The following FSHR variants were observed in gnomAD, a reference collection of about 807,000 sequenced individuals.
FSHR encodes follicle-stimulating hormone receptor.
In FSHR, 46 loss-of-function variants were observed where a neutral mutation model predicts 52.1. That is an observed-to-expected ratio of 0.88 (90% confidence interval 0.70 to 1.13). The LOEUF (loss-of-function observed/expected upper bound fraction) is 1.13. FSHR is among the 50% of genes most tolerant of loss of function. The pLI is 0.00. For missense variants in FSHR, 964 were observed against 834.6 expected (o/e 1.16, Z -1.91); for synonymous variants, 399 against 309.6 (o/e 1.29, Z -3.03).
In FSHR at chr2:49,154,413, G is replaced by GC. The variant is rs765283640; in HGVS notation, c.4dup (p.Ala2GlyfsTer26). On this transcript the variant is annotated frameshift_variant, in exon 1 of 10. Transcript: ENST00000406846. LOFTEE classifies it high-confidence loss of function. ...TGCCAGCAAAGAGACCAGGAGCAGG[G>GC]CCATAATTATGCATCCATCCACCTG... is the stretch of plus-strand genomic sequence containing the variant. 6.2e-7 allele frequency: 1 copy of GC among 1,612,338 alleles called. No homozygotes were observed. Among genetic ancestry groups the GC allele is most frequent in the Non-Finnish European group, 8.5e-7 (1 of 1,179,858 alleles).
chr2:48,965,509 G>A (rs1010755502), intron 9 of FSHR, among the ~76,000 whole-genome samples: 2 of 152,204 alleles, frequency 1.3e-5, no homozygotes, highest in African/African-American at 4.8e-5. Flanking sequence ...GTATAGAGGG[G>A]AGAAGAGGGG....
At chr2:49,089,058 G>C (rs1670502117) in intron 1 of FSHR, among the ~76,000 whole-genome samples, 1 of 147,510 alleles carries the variant, frequency 6.8e-6, no homozygotes, top group Admixed American at 6.6e-5. Context: ...AGAAGACTTA[G>C]TGCTCAGAAT....
intron 2 of FSHR, among the ~76,000 whole-genome samples, chr2:49,049,168 A>G (rs1422299721): frequency 6.7e-6 from 1 of 149,784 alleles, no homozygotes; most frequent in African/African-American, 2.4e-5. Flanking sequence ...AGACAAAAAC[A>G]TTGAGTTACC....
chr2:49,021,686 C>A (rs1282579120), intron 2 of FSHR, among the ~76,000 whole-genome samples: 1 of 151,532 alleles, frequency 6.6e-6, no homozygotes, highest in Non-Finnish European at 1.5e-5. Flanking sequence ...GTGGCAGGGC[C>A]ATTTCTCAGA....
chr2:49,127,867 TCTTCTTCTTCTTCTTCTTCTTCTTCTTC>T (rs1672108818), intron 1 of FSHR, among the ~76,000 whole-genome samples: 2 of 42,202 alleles, frequency 4.7e-5, no homozygotes, highest in African/African-American at 3.9e-4. Flanking sequence ...TTCTTCTTCT[TCTTCTTCTTCTTCTTCTTCTTCTTCTTC>T]TTCTTTTTTT....
At chr2:49,051,335 C>A (rs149012637) in intron 2 of FSHR, among the ~76,000 whole-genome samples, 1 of 152,210 alleles carries the variant, frequency 6.6e-6, no homozygotes, top group African/African-American at 2.4e-5. Context: ...TGCTTCACAG[C>A]CTCACCAGTA....
At chr2:49,136,472 T>C (rs1250115477) in intron 1 of FSHR, among the ~76,000 whole-genome samples, 3 of 152,112 alleles carry the variant, frequency 2.0e-5, no homozygotes, top group African/African-American at 7.2e-5. Flanking sequence ...TCACAAACTC[T>C]TCCCAAAAGT....
intron 8 of FSHR, among the ~76,000 whole-genome samples, chr2:48,976,353 A>G (rs548523051): frequency 1.9e-4 from 29 of 152,170 alleles, no homozygotes; most frequent in Non-Finnish European, 3.5e-4. Flanking sequence ...ATCGTGGTGG[A>G]TAAGCTTTTT....
chr2:49,088,321 A>G (rs1301591072), intron 1 of FSHR, among the ~76,000 whole-genome samples: 1 of 152,234 alleles, frequency 6.6e-6, no homozygotes, highest in African/African-American at 2.4e-5. Flanking sequence ...AGAAAATTTA[A>G]AAAAAGACAG....
chr2:49,018,774 A>G (rs1190917467), intron 3 of FSHR, among the ~76,000 whole-genome samples: 2 of 152,286 alleles, frequency 1.3e-5, no homozygotes, highest in East Asian at 1.9e-4. Flanking sequence ...AGAAGGAAGT[A>G]AAAGGGAGAG....
chr2:49,091,719 C>T (rs1226969248), intron 1 of FSHR, among the ~76,000 whole-genome samples: 1 of 152,188 alleles, frequency 6.6e-6, no homozygotes, highest in Non-Finnish European at 1.5e-5. Context: ...TGGGTCTGTT[C>T]TGCTAAATGG....
chr2:49,111,880 C>T (rs1671436680), intron 1 of FSHR, among the ~76,000 whole-genome samples: 1 of 152,134 alleles, frequency 6.6e-6, no homozygotes, highest in South Asian at 2.1e-4. Flanking sequence ...ATTGTCTTTA[C>T]AAAGTGATTC....
At chr2:49,050,796 C>G (rs1454526818) in intron 2 of FSHR, among the ~76,000 whole-genome samples, 18 of 152,090 alleles carry the variant, frequency 1.2e-4, no homozygotes, top group Admixed American at 1.2e-3. Flanking sequence ...AAAATGCATT[C>G]ATTTTAACTC....
chr2:48,972,316 C>A (rs1383162076), intron 8 of FSHR, among the ~76,000 whole-genome samples: 1 of 152,216 alleles, frequency 6.6e-6, no homozygotes. Flanking sequence ...GCTATCACCA[C>A]AAGGTAAACG....
In FSHR at chr2:49,061,832, T is replaced by TATATAGTTATATATAGTTA. The variant is rs1487153658; in HGVS notation, c.224+6386_224+6387insTAACTATATATAACTATAT. ...TATAGTCATATATAACTATATATGT[T>TATATAGTTATATATAGTTA]TATATAAATATAAATATAAATATAA... On this transcript the variant is annotated intron_variant, in intron 2 of 9. Transcript: ENST00000406846. Among the ~76,000 whole-genome samples, 294 of 123,514 alleles carry TATATAGTTATATATAGTTA rather than the reference T, an allele frequency of 2.4e-3. 1 individual carries two copies. The highest frequency in any genetic ancestry group is 4.3e-3 in the Non-Finnish European group (245 of 57,206). 81.0% of individuals were successfully genotyped at this position (123,514 alleles called of 152,430 possible).
At chr2:49,054,109 C>A (rs1045231400) in intron 2 of FSHR, among the ~76,000 whole-genome samples, 1 of 152,138 alleles carries the variant, frequency 6.6e-6, no homozygotes, top group Non-Finnish European at 1.5e-5. Flanking sequence ...CATTGTGTTA[C>A]CTTGGACAGA....
chr2:49,142,777 G>A (rs189631375), intron 1 of FSHR, among the ~76,000 whole-genome samples: 1 of 152,264 alleles, frequency 6.6e-6, no homozygotes, highest in African/African-American at 2.4e-5. Flanking sequence ...GGTGGTAGGG[G>A]AGATACGGAT....
At chr2:49,139,474 A>T (rs2103832147) in intron 1 of FSHR, among the ~76,000 whole-genome samples, 1 of 152,282 alleles carries the variant, frequency 6.6e-6, no homozygotes, top group Non-Finnish European at 1.5e-5. Context: ...AACCAAGCTG[A>T]CCATGGAAGA....
In FSHR at chr2:49,135,788, T is replaced by TA. The variant is rs538483165; in HGVS notation, c.152+18477dup. 2.7e-3 allele frequency among the ~76,000 whole-genome samples: 406 copies of TA among 152,296 alleles called. 1 individual carries two copies. The highest frequency in any genetic ancestry group is 3.3e-3 in the Non-Finnish European group (223 of 68,024). On this transcript the variant is annotated intron_variant, in intron 1 of 9. Transcript: ENST00000406846. ...GTATGTGTATTGTATACTGTATTCTTACAATAAAGTAAGCTAGAGAAAATA... is the reference window on the plus strand; with the variant it reads ...GTATGTGTATTGTATACTGTATTCTTAACAATAAAGTAAGCTAGAGAAAATA...
Sources: gnomAD v4.1 joint callset for allele counts (sites outside exome capture counted in the v4.1 genomes callset) on GRCh38, gnomAD v4.1.1 for gene constraint, MANE v1.5 for transcripts, NCBI Gene and HGNC (gene_info 2026-07-23, HGNC 2026-07-21) for gene names.